The following CATSPERD variants were observed in gnomAD, a reference collection of about 807,000 sequenced individuals.
CATSPERD encodes the protein catsper channel auxiliary subunit delta, also known as cation channel sperm-associated auxiliary subunit delta.
CATSPERD carries 86 observed loss-of-function variants against 98.1 expected under a neutral mutation model. The ratio of observed to expected loss-of-function variants is 0.88; its 90% CI spans 0.74 to 1.05. The LOEUF is 1.05. Ranked by LOEUF, CATSPERD falls within the 50% of genes least tolerant of loss-of-function variation. The pLI, the probability that CATSPERD is intolerant of heterozygous loss-of-function variation, is 0.00. For synonymous variants in CATSPERD, 394 were observed against 390.2 expected, an observed-to-expected ratio of 1.01 and a Z score of -0.12; for missense variants, 995 against 1,005.7, an observed-to-expected ratio of 0.99 and a Z score of 0.14.
chr19:5,766,055 G>C, intron 16 of CATSPERD, 48 bp from the exon 17 acceptor site: 4 of 1,489,468 alleles, frequency 2.7e-6, no homozygotes, highest in Non-Finnish European at 3.7e-6. Context: ...CTGTGTCCGG[G>C]TGACCCTCAC....
intron 3 of CATSPERD, among the ~76,000 whole-genome samples, chr19:5,728,450 G>A (rs1477703884): frequency 6.6e-6 from 1 of 151,966 alleles, no homozygotes; most frequent in Non-Finnish European, 1.5e-5. Flanking sequence ...AGCTACTTGG[G>A]AGGCTGAGGT....
rs1273184412 is a variant in CATSPERD at position 5,724,827 on chromosome 19, G to C, written c.91G>C (p.Gly31Arg). 3 of 1,613,994 alleles carry C rather than the reference G, an allele frequency of 1.9e-6. No individual in the cohort carries two copies. Among genetic ancestry groups the C allele is most frequent in the Non-Finnish European group, 2.5e-6 (3 of 1,179,974 alleles). The change falls in exon 2 of 22, where the codon GGA (glycine) becomes CGA (arginine). Residue 31 changes from glycine to arginine, a missense_variant. Physicochemically the swap from Gly to Arg is moderately radical, Grantham distance 125. This residue lies in a region of CATSPERD where 228 missense variants were observed against 209.6 expected (regional missense o/e 1.09). Transcript: ENST00000381624. ...TTCTAGTTCTCGCACAGTGAGGACA[G>C]GAAAAGTGTTTAATCTGATACAGGA... is the stretch of plus-strand genomic sequence containing the variant. Reference protein sequence around the residue: ...QLCRSRTVRTGKVFNLIQDVQ... With the variant: ...QLCRSRTVRTRKVFNLIQDVQ...
At chr19:5,728,218 C>T (rs565457911) in intron 3 of CATSPERD, among the ~76,000 whole-genome samples, 6 of 151,350 alleles carry the variant, frequency 4.0e-5, no homozygotes, top group South Asian at 4.2e-4. Flanking sequence ...ATTAGCTGGG[C>T]GTGATGGCGC....
In CATSPERD at chr19:5,778,533, G is replaced by A. The variant is rs375111616; in HGVS notation, c.2254G>A (p.Gly752Ser). The change falls in exon 22 of 22, where the codon GGC becomes AGC. Residue 752 changes from glycine to serine, a missense_variant. Physicochemically the swap from Gly to Ser is moderately conservative, Grantham distance 56 (BLOSUM62 0). Around this residue, in one of 3 missense-constraint regions of CATSPERD, gnomAD observed 762 missense variants for 773.7 expected, o/e 0.98. Transcript: ENST00000381624. ...CCCCAAGCTGCTACGCACAGCACGCGGCCGCAGGATCAAGAAGTGTGCGAC... is the reference window on the plus strand; with the variant it reads ...CCCCAAGCTGCTACGCACAGCACGCAGCCGCAGGATCAAGAAGTGTGCGAC... ...KTPKLLRTARGRRIKKCATQL... is the reference protein window; with the variant it reads ...KTPKLLRTARSRRIKKCATQL... 3.2e-5 allele frequency: 52 copies of A among 1,613,940 alleles called. No homozygotes were observed. Among genetic ancestry groups the A allele is most frequent in the East Asian group, 4.5e-5 (2 of 44,862 alleles).
At chr19:5,734,114 T>C in intron 5 of CATSPERD, 144 bp downstream of exon 5, 2 of 584,128 alleles carry the variant, frequency 3.4e-6, no homozygotes, top group Non-Finnish European at 5.9e-6. Flanking sequence ...AAAATGAAAA[T>C]TGGCCTGAGT....
chr19:5,742,156 ACGTGTGTGTG>A (rs1319120318), intron 7 of CATSPERD, among the ~76,000 whole-genome samples: 1 of 98,836 alleles, frequency 1.0e-5, no homozygotes, highest in Admixed American at 1.0e-4. Context: ...ACGTGTGTGA[ACGTGTGTGTG>A]CGTGTGTGTA....
At chr19:5,724,678 GAC>G in intron 1 of CATSPERD, 128 bp from the exon 2 acceptor site, 1 of 878,912 alleles carries the variant, frequency 1.1e-6, no homozygotes, top group East Asian at 2.6e-5. Flanking sequence ...CAGCCTGGGC[GAC>G]AGAGTGAGAC....
rs1402388806 is a variant in CATSPERD at position 5,720,723 on chromosome 19, C to T, written c.-15C>T. ...GGCGGTTGAGGGGCAGTGGTGGCGG[C>T]GGAAGCCCAAGTCGATGCTGATGTT... On this transcript the variant is annotated 5_prime_UTR_variant, in exon 1 of 22. Transcript: ENST00000381624. 3.7e-6 allele frequency: 6 copies of T among 1,604,852 alleles called. No individual in the cohort carries two copies. Among genetic ancestry groups the T allele is most frequent in the South Asian group, 2.2e-5 (2 of 90,876 alleles).
intron 2 of CATSPERD, among the ~76,000 whole-genome samples, chr19:5,725,886 G>A (rs866966716): frequency 6.6e-6 from 1 of 151,726 alleles, no homozygotes; most frequent in Non-Finnish European, 1.5e-5. Context: ...GGGCGACAGA[G>A]CCAAAAAAGA....
rs140218034 is a variant in CATSPERD at position 5,730,953 on chromosome 19, A to G, written c.276+1009A>G. Among the ~76,000 whole-genome samples the G allele has an allele frequency of 5.1e-3, 767 of 151,784 alleles. 7 individuals carry two copies. Among genetic ancestry groups the G allele is most frequent in the African/African-American group, 0.017 (704 of 41,464 alleles). ...GAGGCGGAGCTTGCAGTGAGCCGAGATCGCGCCACTGCACTCCAACCCCAG... is the reference window on the plus strand; with the variant it reads ...GAGGCGGAGCTTGCAGTGAGCCGAGGTCGCGCCACTGCACTCCAACCCCAG... On this transcript the variant is annotated intron_variant, in intron 4 of 21. Transcript: ENST00000381624.
intron 14 of CATSPERD, 86 bp downstream of exon 14, chr19:5,758,018 A>G: frequency 8.4e-7 from 1 of 1,196,618 alleles, no homozygotes; most frequent in Non-Finnish European, 1.2e-6. Flanking sequence ...AAAATTTAGG[A>G]GTTTCCAGGG....
rs944139252 is a variant in CATSPERD at position 5,720,664 on chromosome 19, C to T, written c.-74C>T. ...TGATGCGCATGCGCAGGGCTTCAGC[C>T]TGCACGTACTCGGATTGTGCAGCGA... On this transcript the variant is annotated 5_prime_UTR_variant, in exon 1 of 22. Coordinates refer to ENST00000381624, the MANE Select transcript of CATSPERD (RefSeq NM_152784.4). The T allele has an allele frequency of 6.9e-7, 1 of 1,448,652 alleles. No homozygotes were observed. Among genetic ancestry groups the T allele is most frequent in the South Asian group, 1.2e-5 (1 of 84,728 alleles). 89.7% of individuals were successfully genotyped at this position (1,448,652 alleles called of 1,614,324 possible).
chr19:5,755,632 G>A (rs1279080694), intron 13 of CATSPERD, among the ~76,000 whole-genome samples: 1 of 152,016 alleles, frequency 6.6e-6, no homozygotes, highest in Admixed American at 6.6e-5. Context: ...TATTAGCCGG[G>A]TGTGGTGGCG....
intron 1 of CATSPERD, among the ~76,000 whole-genome samples, chr19:5,721,363 G>GT (rs545911679): frequency 1.6e-3 from 238 of 152,114 alleles, no homozygotes; most frequent in African/African-American, 5.7e-3. Flanking sequence ...CCAGGGTGGA[G>GT]TGCAGTGGCG....
intron 10 of CATSPERD, 119 bp from the exon 11 acceptor site, chr19:5,748,982 G>A (rs1027039188): frequency 1.2e-5 from 8 of 665,032 alleles, no homozygotes; most frequent in East Asian, 7.5e-5. Flanking sequence ...CACCCCCCTC[G>A]GCCTCTCAAA....
intron 1 of CATSPERD, among the ~76,000 whole-genome samples, chr19:5,723,195 A>G (rs1185164716): frequency 1.3e-5 from 2 of 150,916 alleles, no homozygotes. Context: ...TCAAAAAAAA[A>G]AAAAAGAAAA....
intron 12 of CATSPERD, among the ~76,000 whole-genome samples, chr19:5,753,335 T>C (rs12980084): frequency 0.31 from 46,831 of 150,822 alleles, 7,808 homozygotes; most frequent in African/African-American, 0.44. Flanking sequence ...CTAAGGTGGG[T>C]GGATCACAAG....
chr19:5,773,373 A>G (rs2056686067), intron 20 of CATSPERD, among the ~76,000 whole-genome samples: 1 of 152,092 alleles, frequency 6.6e-6, no homozygotes, highest in East Asian at 1.9e-4. Context: ...AAGGCCTTTG[A>G]GGATTTAAGG....
chr19:5,723,745 G>A (rs1010567458), intron 1 of CATSPERD, among the ~76,000 whole-genome samples: 2 of 149,124 alleles, frequency 1.3e-5, no homozygotes, highest in African/African-American at 2.5e-5. Context: ...ATTAACAGGC[G>A]TGAGCCACCA....
Sources: allele counts gnomAD v4.1 joint callset (sites outside exome capture counted in the v4.1 genomes callset), GRCh38; gene constraint gnomAD v4.1.1; regional missense constraint gnomAD v4.1.1; transcripts MANE v1.5; gene names NCBI Gene and HGNC (gene_info 2026-07-23, HGNC 2026-07-21).